Variants in GRM8 observed in about 807,000 individuals in gnomAD.
The protein encoded by GRM8 is glutamate metabotropic receptor 8.
A neutral mutation model predicts 87.2 loss-of-function variants in GRM8; 47 were observed. The observed-to-expected ratio is 0.54, with a 90% CI of 0.43 to 0.69. GRM8 has a LOEUF of 0.69. Ranked by LOEUF, GRM8 falls within the 30% of genes least tolerant of loss-of-function variation. The pLI is 0.00. For synonymous variants in GRM8, 396 were observed against 404.5 expected (o/e 0.98, Z 0.25); for missense variants, 1,019 against 1,139.2 (o/e 0.89, Z 1.52).
chr7:127,149,919 A>C lies in GRM8; in HGVS notation c.511-43207T>G, dbSNP rs138263800. The stretch of plus-strand genomic sequence containing the variant: ...AAGAAATGTATGTCAGAGGATACAA[A>C]ATAGCAGGTATGTAGAATGAAGAAG... On this transcript the variant is annotated intron_variant, in intron 2 of 10. Coordinates refer to ENST00000339582, the MANE Select transcript of GRM8 (RefSeq NM_000845.3). Among the ~76,000 whole-genome samples, 452 of 152,124 alleles carry C rather than the reference A, an allele frequency of 3.0e-3. 1 individual carries two copies. The highest frequency in any genetic ancestry group is 0.017 in the Middle Eastern group (5 of 294).
At chr7:126,477,638 AAAAC>A (rs1215757123) in intron 9 of GRM8, among the ~76,000 whole-genome samples, 38 of 150,390 alleles carry the variant, frequency 2.5e-4, no homozygotes, top group Non-Finnish European at 5.0e-4. Flanking sequence ...AAAGAAAGAA[AAAAC>A]GAAAGAGAAA....
intron 7 of GRM8, among the ~76,000 whole-genome samples, chr7:126,648,190 T>C (rs1803386604): frequency 1.3e-5 from 2 of 152,160 alleles, no homozygotes; most frequent in African/African-American, 4.8e-5. Context: ...GAGACCTTTT[T>C]ATCCTGTCAG....
intron 6 of GRM8, among the ~76,000 whole-genome samples, chr7:126,785,086 G>A (rs1438909748): frequency 6.6e-6 from 1 of 152,128 alleles, no homozygotes. Flanking sequence ...TCACAGGCAT[G>A]ATCATAGCAC....
At chr7:127,073,275 CTGAACCCA>C (rs2132699443) in intron 3 of GRM8, among the ~76,000 whole-genome samples, 1 of 152,316 alleles carries the variant, frequency 6.6e-6, no homozygotes, top group Admixed American at 6.5e-5. Flanking sequence ...CTGGATCACT[CTGAACCCA>C]TGAACAGAAG....
Position 127,252,807 on chromosome 7 carries a change from G to T in GRM8, c.-322C>A, listed in dbSNP as rs1362259145. 1 of 194,838 alleles carries T rather than the reference G, an allele frequency of 5.1e-6. No homozygotes were observed. Among genetic ancestry groups the T allele is most frequent in the Non-Finnish European group, 1.0e-5 (1 of 99,088 alleles). 12.1% of individuals were successfully genotyped at this position (194,838 alleles called of 1,614,324 possible). A position where few individuals can be genotyped will look rare whatever the true frequency, so the allele number is the denominator to read the frequency against. On this transcript the variant is annotated 5_prime_UTR_variant, in exon 1 of 11. It introduces an in-frame stop codon into an upstream open reading frame of the 5' UTR. Transcript: ENST00000339582. This position sits in a 1 kb window ranked among gnomAD's most constrained non-coding sequence, Gnocchi z 4.9. ...GGCGGCGAGTCTTACCCTGCTCCCC[G>T]CAGAGGGCGCGGTGAGGAAGCCCGC...
intron 3 of GRM8, among the ~76,000 whole-genome samples, chr7:126,915,380 C>A (rs1803781463): frequency 6.6e-6 from 1 of 152,150 alleles, no homozygotes; most frequent in Non-Finnish European, 1.5e-5. Context: ...AAATCAAAAT[C>A]AACAGCCCCC....
At chr7:126,923,758 A>G (rs1268945425) in intron 3 of GRM8, among the ~76,000 whole-genome samples, 1 of 152,118 alleles carries the variant, frequency 6.6e-6, no homozygotes, top group Non-Finnish European at 1.5e-5. Flanking sequence ...TTTCATAAGA[A>G]AAGAGAGTAG....
At chr7:126,842,626 T>A (rs572696417) in intron 6 of GRM8, among the ~76,000 whole-genome samples, 1 of 152,254 alleles carries the variant, frequency 6.6e-6, no homozygotes, top group South Asian at 2.1e-4. Flanking sequence ...GAAGGCCCAA[T>A]ATGATCACAA....
chr7:127,106,026 T>C (rs1825774609), intron 3 of GRM8, among the ~76,000 whole-genome samples: 1 of 152,176 alleles, frequency 6.6e-6, no homozygotes, highest in Non-Finnish European at 1.5e-5. Context: ...AATATGACAA[T>C]AAGAATATTG....
intron 3 of GRM8, chr7:127,090,862 C>A (rs1411799113): frequency 6.6e-6 from 1 of 152,224 alleles, no homozygotes; most frequent in East Asian, 1.9e-4. Flanking sequence ...ATCTGACTTT[C>A]TCCAAGCTAC....
chr7:126,531,983 C>T (rs949487893), intron 9 of GRM8, among the ~76,000 whole-genome samples: 1 of 152,192 alleles, frequency 6.6e-6, no homozygotes, highest in Non-Finnish European at 1.5e-5. Flanking sequence ...CTCTCACATG[C>T]CCATCAGGGC....
intron 2 of GRM8, among the ~76,000 whole-genome samples, chr7:127,164,431 T>C (rs1297898981): frequency 1.3e-5 from 2 of 152,284 alleles, no homozygotes; most frequent in African/African-American, 2.4e-5. Context: ...AAGTGATGTG[T>C]TTGTGGTCCT....
intron 7 of GRM8, among the ~76,000 whole-genome samples, chr7:126,609,966 A>G (rs1457386635): frequency 6.6e-6 from 1 of 152,154 alleles, no homozygotes; most frequent in Non-Finnish European, 1.5e-5. Flanking sequence ...GCAGTTAGAG[A>G]GCACCGTTCC....
chr7:126,488,534 C>T (rs1221965252), intron 9 of GRM8, among the ~76,000 whole-genome samples: 2 of 151,960 alleles, frequency 1.3e-5, no homozygotes, highest in Admixed American at 6.6e-5. Context: ...GATTTTTTCA[C>T]TTTTGTAAAA....
chr7:127,105,839 T>C (rs1355075132), intron 3 of GRM8, among the ~76,000 whole-genome samples: 2 of 152,166 alleles, frequency 1.3e-5, no homozygotes, highest in Non-Finnish European at 2.9e-5. Context: ...GTGGAATGGA[T>C]TTACAACCTC....
chr7:126,824,250 G>A (rs1794557314), intron 6 of GRM8, among the ~76,000 whole-genome samples: 1 of 152,102 alleles, frequency 6.6e-6, no homozygotes, highest in South Asian at 2.1e-4. Flanking sequence ...TGAATTTATA[G>A]CAATGGGATG....
intron 7 of GRM8, among the ~76,000 whole-genome samples, chr7:126,626,544 T>C (rs1212367157): frequency 1.3e-5 from 2 of 152,212 alleles, no homozygotes; most frequent in Non-Finnish European, 2.9e-5. Flanking sequence ...CTAAGATCTG[T>C]AAATGGATCT....
chr7:126,883,617 A>G (rs1192522063), intron 6 of GRM8, among the ~76,000 whole-genome samples: 2 of 152,202 alleles, frequency 1.3e-5, no homozygotes, highest in African/African-American at 4.8e-5. Flanking sequence ...TTTAGATTGC[A>G]GACCTATGTT....
chr7:126,879,835 G>C (rs1346021770), intron 6 of GRM8, among the ~76,000 whole-genome samples: 4 of 152,018 alleles, frequency 2.6e-5, no homozygotes, highest in South Asian at 2.1e-4. Context: ...TTGGAGCATT[G>C]CATATTTGTG....
Sources: gnomAD v4.1 joint callset for allele counts (sites outside exome capture counted in the v4.1 genomes callset) on GRCh38, gnomAD v4.1.1 for gene constraint, Gnocchi (gnomAD v3.1) non-coding constraint, MANE v1.5 for transcripts, NCBI Gene and HGNC (gene_info 2026-07-23, HGNC 2026-07-21) for gene names.